The following SLC17A8 variants were observed in gnomAD, a reference collection of about 807,000 sequenced individuals.
SLC17A8 encodes vesicular glutamate transporter 3.
A neutral mutation model predicts 58.0 loss-of-function variants in SLC17A8; 31 were observed. The observed-to-expected ratio is 0.53, with a 90% CI of 0.40 to 0.72. SLC17A8 has a LOEUF of 0.72. Ranked by LOEUF, SLC17A8 falls within the 30% of genes least tolerant of loss-of-function variation. The pLI is 0.00. For synonymous variants in SLC17A8, 228 were observed against 249.0 expected, an observed-to-expected ratio of 0.92 and a Z score of 0.79; for missense variants, 655 against 727.8, an observed-to-expected ratio of 0.90 and a Z score of 1.15.
intron 6 of SLC17A8, 151 bp from the exon 7 acceptor site, chr12:100,402,189 A>G (rs1952795920): frequency 1.3e-6 from 1 of 761,424 alleles, no homozygotes; most frequent in Non-Finnish European, 2.2e-6. Flanking sequence ...GTTCACGTGC[A>G]TGTATGAGAT....
intron 1 of SLC17A8, among the ~76,000 whole-genome samples, chr12:100,370,223 G>C (rs1301685994): frequency 2.0e-5 from 3 of 152,098 alleles, no homozygotes; most frequent in Non-Finnish European, 4.4e-5. Context: ...CAAAGTTCCA[G>C]GATTACAGGT....
intron 1 of SLC17A8, among the ~76,000 whole-genome samples, chr12:100,369,224 C>T (rs924044403): frequency 3.9e-5 from 6 of 152,026 alleles, no homozygotes; most frequent in South Asian, 2.1e-4. Context: ...TGCAGTGAGC[C>T]GAAATCCCAC....
chr12:100,413,687 G>A (rs78037461), intron 10 of SLC17A8, among the ~76,000 whole-genome samples: 2 of 152,162 alleles, frequency 1.3e-5, no homozygotes, highest in Non-Finnish European at 2.9e-5. Context: ...ATAAGAATAT[G>A]GTTACTGGCC....
chr12:100,384,144 C>T (rs1464662281), intron 2 of SLC17A8, among the ~76,000 whole-genome samples: 1 of 152,232 alleles, frequency 6.6e-6, no homozygotes, highest in Non-Finnish European at 1.5e-5. Flanking sequence ...GTCCAAAGTT[C>T]TTCCCATGGA....
intron 1 of SLC17A8, among the ~76,000 whole-genome samples, chr12:100,372,197 C>T (rs1015370639): frequency 6.6e-6 from 1 of 152,152 alleles, no homozygotes; most frequent in African/African-American, 2.4e-5. Context: ...TATTTTCTCA[C>T]AGTTCTGGAA....
At chr12:100,385,233 A>T (rs1426071757) in intron 2 of SLC17A8, among the ~76,000 whole-genome samples, 18 of 106,670 alleles carry the variant, frequency 1.7e-4, no homozygotes, top group South Asian at 3.3e-4. Flanking sequence ...TGTCTTAAAC[A>T]TTTTTTTTTT....
At chr12:100,376,562 G>T (rs890639594) in intron 1 of SLC17A8, among the ~76,000 whole-genome samples, 2 of 152,284 alleles carry the variant, frequency 1.3e-5, no homozygotes, top group Non-Finnish European at 2.9e-5. Context: ...TGGCCAATTT[G>T]TTCTTGCTTT....
intron 2 of SLC17A8, among the ~76,000 whole-genome samples, chr12:100,382,473 A>C (rs1219931769): frequency 6.6e-6 from 1 of 152,218 alleles, no homozygotes; most frequent in East Asian, 1.9e-4. Context: ...CCCAGTGGAC[A>C]CCCCATAAAT....
intron 1 of SLC17A8, among the ~76,000 whole-genome samples, chr12:100,370,145 G>A (rs1952549321): frequency 6.6e-6 from 1 of 151,854 alleles, no homozygotes; most frequent in South Asian, 2.1e-4. Flanking sequence ...TAGAGATGGG[G>A]GTCTTACTAT....
intron 9 of SLC17A8, among the ~76,000 whole-genome samples, chr12:100,411,429 A>G (rs957698566): frequency 2.6e-5 from 4 of 152,172 alleles, no homozygotes; most frequent in Non-Finnish European, 5.9e-5. Flanking sequence ...GCAGTGAGCC[A>G]AGATCATGCC....
At chr12:100,370,770 A>G (rs1952553943) in intron 1 of SLC17A8, among the ~76,000 whole-genome samples, 1 of 152,226 alleles carries the variant, frequency 6.6e-6, no homozygotes, top group Non-Finnish European at 1.5e-5. Context: ...CCTCTTGTTC[A>G]TCTAATGATC....
chr12:100,396,464 T>A (rs368863996), intron 5 of SLC17A8, 47 bp downstream of exon 5: 1 of 1,523,640 alleles, frequency 6.6e-7, no homozygotes, highest in African/African-American at 1.4e-5. Flanking sequence ...AATGCTTTTT[T>A]TGGGTTCATG....
rs1339414713 is a variant in SLC17A8 at position 100,412,823 on chromosome 12, G to T, written c.1240G>T (p.Gly414Trp). ...GGTGGTTGGCTTTTCGCATACCAAA[G>T]GGGTGGCTATCTCCTTTCTGGTACT... ...LLVVGFSHTK[G>W]VAISFLVLAV... The change falls in exon 10 of 12, where the codon GGG (glycine) becomes TGG (tryptophan). Residue 414 changes from glycine to tryptophan, a missense_variant. Coordinates refer to ENST00000323346, the MANE Select transcript of SLC17A8 (RefSeq NM_139319.3). The T allele has an allele frequency of 2.0e-5, 33 of 1,614,050 alleles. No individual in the cohort carries two copies. The East Asian group carries it at 7.4e-4, about 36-fold the overall frequency.
At chr12:100,365,132 T>C (rs939881411) in intron 1 of SLC17A8, among the ~76,000 whole-genome samples, 3 of 152,200 alleles carry the variant, frequency 2.0e-5, no homozygotes, top group Admixed American at 6.5e-5. Context: ...CGTCTTATGA[T>C]GGACAGTTGG....
Position 100,402,344 on chromosome 12 carries a change from G to A in SLC17A8, c.768G>A (p.Met256Ile), listed in dbSNP as rs1217132589. 2.5e-6 allele frequency: 4 copies of A among 1,614,128 alleles called. No individual in the cohort carries two copies. Among genetic ancestry groups the A allele is most frequent in the Non-Finnish European group, 3.4e-6 (4 of 1,180,004 alleles). ...CCTTTTCTTTTTTAACTGCAGGCATGTTTGGGATTATTTGGTACATGTTTT... is the reference window on the plus strand; with the variant it reads ...CCTTTTCTTTTTTAACTGCAGGCATATTTGGGATTATTTGGTACATGTTTT... ...GWSSVFYIYGMFGIIWYMFWL... is the reference protein window; with the variant it reads ...GWSSVFYIYGIFGIIWYMFWL... The change falls in exon 7 of 12, where the codon ATG (methionine) becomes ATA (isoleucine). Residue 256 changes from methionine (M) to isoleucine (I), a missense_variant. Transcript: ENST00000323346.
intron 9 of SLC17A8, among the ~76,000 whole-genome samples, chr12:100,404,627 G>A (rs1177820890): frequency 1.3e-5 from 2 of 152,224 alleles, no homozygotes; most frequent in South Asian, 2.1e-4. Context: ...AGAGGTAGGC[G>A]AAAGTAATTG....
chr12:100,388,436 A>C (rs1254409126), intron 2 of SLC17A8, among the ~76,000 whole-genome samples: 1 of 152,252 alleles, frequency 6.6e-6, no homozygotes, highest in Non-Finnish European at 1.5e-5. Context: ...TGCGTGTTAC[A>C]CAATAAACAC....
At chr12:100,365,710 T>C (rs1001506764) in intron 1 of SLC17A8, among the ~76,000 whole-genome samples, 4 of 152,340 alleles carry the variant, frequency 2.6e-5, no homozygotes, top group South Asian at 2.1e-4. Flanking sequence ...GCCCACGTGA[T>C]GGACCTGTGA....
rs1246137730 is a variant in SLC17A8 at position 100,416,175 on chromosome 12, T to TC, written c.1298-1848dup. Among the ~76,000 whole-genome samples, 3 of 152,242 alleles carry TC rather than the reference T, an allele frequency of 2.0e-5. No individual in the cohort carries two copies. In the South Asian group the frequency reaches 6.2e-4, roughly 32 times the overall value. ...CAATATCTCAATTTCTCAGTGATTT[T>TC]CCCCCCTCCCCAAATGTCAGGATTG... On this transcript the variant is annotated intron_variant, in intron 10 of 11. Transcript: ENST00000323346.
Sources: allele counts gnomAD v4.1 joint callset (sites outside exome capture counted in the v4.1 genomes callset), GRCh38; gene constraint gnomAD v4.1.1; transcripts MANE v1.5; gene names NCBI Gene and HGNC (gene_info 2026-07-23, HGNC 2026-07-21).